Variants in KCTD8 observed in about 807,000 individuals in gnomAD.
The protein encoded by KCTD8 is potassium channel tetramerization domain containing 8, also known as BTB/POZ domain-containing protein KCTD8.
KCTD8 carries 27 observed loss-of-function variants against 31.5 expected under a neutral mutation model. The ratio of observed to expected loss-of-function variants is 0.86; its 90% CI spans 0.63 to 1.18. The LOEUF is 1.18. Among genes scored for constraint, KCTD8 ranks in the 50% most tolerant of loss-of-function variants. KCTD8 has a pLI of 0.00. For synonymous variants in KCTD8, 290 were observed against 280.0 expected, an observed-to-expected ratio of 1.04 and a Z score of -0.36; for missense variants, 658 against 647.7, an observed-to-expected ratio of 1.02 and a Z score of -0.17.
chr4:44,292,068 C>T (rs535573114), intron 1 of KCTD8, among the ~76,000 whole-genome samples: 9 of 151,098 alleles, frequency 6.0e-5, no homozygotes, highest in Admixed American at 1.3e-4. Flanking sequence ...GAAAGCAGTA[C>T]GCAGATTTAG....
intron 1 of KCTD8, among the ~76,000 whole-genome samples, chr4:44,301,121 G>C (rs1430768455): frequency 2.6e-5 from 4 of 151,978 alleles, no homozygotes; most frequent in Non-Finnish European, 4.4e-5. Context: ...TATCGTTGTT[G>C]GACATTTGGG....
At chr4:44,281,430 C>A (rs967870019) in intron 1 of KCTD8, among the ~76,000 whole-genome samples, 13 of 152,056 alleles carry the variant, frequency 8.5e-5, no homozygotes, top group African/African-American at 3.1e-4. Flanking sequence ...TTAAGTCATA[C>A]ATGACTAAAG....
chr4:44,290,919 A>C (rs1347474775), intron 1 of KCTD8, among the ~76,000 whole-genome samples: 3 of 152,130 alleles, frequency 2.0e-5, no homozygotes, highest in Non-Finnish European at 4.4e-5. Flanking sequence ...AAAAAAGAAC[A>C]AACCAACCAC....
intron 1 of KCTD8, among the ~76,000 whole-genome samples, chr4:44,279,819 C>T (rs1170750809): frequency 6.6e-6 from 1 of 152,016 alleles, no homozygotes; most frequent in East Asian, 1.9e-4. Flanking sequence ...TATATACATG[C>T]TTTTCTTAAC....
intron 1 of KCTD8, among the ~76,000 whole-genome samples, chr4:44,199,491 A>G (rs1390454460): frequency 6.6e-6 from 1 of 152,106 alleles, no homozygotes; most frequent in Non-Finnish European, 1.5e-5. Context: ...GTACATCAAT[A>G]CCAATAAGAC....
At chr4:44,325,201 T>G in intron 1 of KCTD8, among the ~76,000 whole-genome samples, 1 of 151,948 alleles carries the variant, frequency 6.6e-6, no homozygotes, top group East Asian at 1.9e-4. Flanking sequence ...AAGCTGGATG[T>G]GCAAATTGTG....
At position 44,208,500 on chromosome 4, in the gene KCTD8, T is replaced by A. The variant is rs1317305220; in HGVS notation, c.962-33250A>T. ...GCATTTCCTAATTAGGATCATCATA[T>A]CAGGTGACAAGATAGAATACAAATT... is the stretch of plus-strand genomic sequence containing the variant. On this transcript the variant is annotated intron_variant, in intron 1 of 1. Coordinates refer to ENST00000360029, the MANE Select transcript of KCTD8 (RefSeq NM_198353.3). Among the ~76,000 whole-genome samples, 6 of 152,166 alleles carry A rather than the reference T, an allele frequency of 3.9e-5. No homozygotes were observed. In the East Asian group the frequency reaches 1.2e-3, roughly 29 times the overall value.
intron 1 of KCTD8, among the ~76,000 whole-genome samples, chr4:44,233,361 G>A (rs917394467): frequency 2.8e-4 from 43 of 152,104 alleles, no homozygotes; most frequent in Admixed American, 2.0e-3. Context: ...GAGCGTTTCC[G>A]TTTCTGTGAA....
chr4:44,242,446 C>A (rs921494645), intron 1 of KCTD8, among the ~76,000 whole-genome samples: 3 of 152,024 alleles, frequency 2.0e-5, no homozygotes, highest in Admixed American at 6.6e-5. Context: ...GGCGCGGTGG[C>A]TGGCTCCTGT....
chr4:44,408,264 C>T (rs1261115955), intron 1 of KCTD8, among the ~76,000 whole-genome samples: 1 of 152,088 alleles, frequency 6.6e-6, no homozygotes, highest in Non-Finnish European at 1.5e-5. Context: ...ACTTGGCCAT[C>T]TATTAAATAT....
At chr4:44,191,932 T>C (rs988342816) in intron 1 of KCTD8, among the ~76,000 whole-genome samples, 1 of 152,182 alleles carries the variant, frequency 6.6e-6, no homozygotes, top group Non-Finnish European at 1.5e-5. Flanking sequence ...TCCCTGTTCA[T>C]ACACCCCCTC....
intron 1 of KCTD8, among the ~76,000 whole-genome samples, chr4:44,282,843 G>A (rs1716937636): frequency 6.6e-6 from 1 of 151,994 alleles, no homozygotes; most frequent in South Asian, 2.1e-4. Context: ...AGAGAGGTGA[G>A]AAAGCTGCAG....
chr4:44,425,285 G>A (rs1196117742), intron 1 of KCTD8, among the ~76,000 whole-genome samples: 5 of 152,004 alleles, frequency 3.3e-5, no homozygotes, highest in Admixed American at 2.0e-4. Context: ...AGTTAAATGT[G>A]ATTTACTAAT....
chr4:44,202,210 G>A (rs1467576034), intron 1 of KCTD8, among the ~76,000 whole-genome samples: 1 of 152,162 alleles, frequency 6.6e-6, no homozygotes, highest in African/African-American at 2.4e-5. Flanking sequence ...TATTAGGTCA[G>A]CCACTGTAGA....
intron 1 of KCTD8, among the ~76,000 whole-genome samples, chr4:44,197,447 C>T (rs773228037): frequency 1.3e-4 from 20 of 152,140 alleles, no homozygotes; most frequent in Non-Finnish European, 2.8e-4. Context: ...CTCTCTCCCC[C>T]AACCACCGAG....
At chr4:44,403,256 G>A (rs889102219) in intron 1 of KCTD8, among the ~76,000 whole-genome samples, 6 of 151,938 alleles carry the variant, frequency 3.9e-5, no homozygotes, top group Non-Finnish European at 7.4e-5. Flanking sequence ...TGTAAAAAGT[G>A]TATATATCTA....
At chr4:44,242,496 T>A (rs1321547268) in intron 1 of KCTD8, among the ~76,000 whole-genome samples, 1 of 151,920 alleles carries the variant, frequency 6.6e-6, no homozygotes, top group East Asian at 1.9e-4. Flanking sequence ...GAGAATGGCG[T>A]GAACCCGGGA....
At chr4:44,403,878 A>T (rs1369882088) in intron 1 of KCTD8, among the ~76,000 whole-genome samples, 1 of 152,156 alleles carries the variant, frequency 6.6e-6, no homozygotes. Context: ...AATATTTTTT[A>T]AAAATGTTTT....
intron 1 of KCTD8, among the ~76,000 whole-genome samples, chr4:44,385,321 T>C (rs1425458668): frequency 6.6e-6 from 1 of 151,598 alleles, no homozygotes; most frequent in Non-Finnish European, 1.5e-5. Context: ...TCTACAGGAA[T>C]TAAAACAGTG....
Sources: gnomAD v4.1 joint callset for allele counts (sites outside exome capture counted in the v4.1 genomes callset) on GRCh38, gnomAD v4.1.1 for gene constraint, MANE v1.5 for transcripts, NCBI Gene and HGNC (gene_info 2026-07-23, HGNC 2026-07-21) for gene names.